Variants in RBFOX1 observed in about 807,000 individuals in gnomAD.
RBFOX1 encodes the protein RNA binding protein fox-1 homolog 1.
Under a neutral mutation model 57.7 loss-of-function variants are expected in RBFOX1, and 8 were observed. That is an observed-to-expected ratio of 0.14 (90% CI 0.08 to 0.25). RBFOX1 has a LOEUF of 0.25. RBFOX1 is among the 10% of genes least tolerant of loss of function. The pLI is 1.00. For missense variants in RBFOX1, 611 were observed against 548.5 expected (o/e 1.11, Z -1.14); for synonymous variants, 326 against 222.4 (o/e 1.47, Z -4.15).
chr16:7,403,690 G>A (rs897304738), intron 4 of RBFOX1, among the ~76,000 whole-genome samples: 1 of 151,098 alleles, frequency 6.6e-6, no homozygotes, highest in Non-Finnish European at 1.5e-5. Flanking sequence ...GGGATTACAG[G>A]CACCTGCCAC....
chr16:5,380,946 GCACTGCCCAT>G (rs1461538771), intron 1 of RBFOX1, among the ~76,000 whole-genome samples: 2 of 152,200 alleles, frequency 1.3e-5, no homozygotes, highest in African/African-American at 2.4e-5. Context: ...CACTAAAATG[GCACTGCCCAT>G]CACTTGAGGT....
intron 3 of RBFOX1, among the ~76,000 whole-genome samples, chr16:6,678,679 C>G (rs150084521): frequency 1.3e-5 from 2 of 151,646 alleles, no homozygotes; most frequent in South Asian, 2.1e-4. Flanking sequence ...ATACACAGAA[C>G]AAATGTAGGG....
chr16:5,249,076 G>A (rs930539415), intron 1 of RBFOX1, among the ~76,000 whole-genome samples: 11 of 151,736 alleles, frequency 7.2e-5, no homozygotes, highest in African/African-American at 2.4e-4. Context: ...TTAAAGGCAC[G>A]GAAGAGGAAG....
At chr16:5,860,554 T>A (rs1296248441) in intron 3 of RBFOX1, among the ~76,000 whole-genome samples, 1 of 152,194 alleles carries the variant, frequency 6.6e-6, no homozygotes, top group Non-Finnish European at 1.5e-5. Flanking sequence ...ATGCAGTGTT[T>A]CCTGTTATCC....
At chr16:7,616,978 C>T (rs2058552235) in intron 10 of RBFOX1, among the ~76,000 whole-genome samples, 1 of 150,860 alleles carries the variant, frequency 6.6e-6, no homozygotes, top group Non-Finnish European at 1.5e-5. Flanking sequence ...CCACCCTTCC[C>T]TGCACAACCA....
At chr16:6,529,217 T>A (rs529587741) in intron 2 of RBFOX1, among the ~76,000 whole-genome samples, 1 of 152,158 alleles carries the variant, frequency 6.6e-6, no homozygotes, top group Non-Finnish European at 1.5e-5. Flanking sequence ...TGTAAACTAC[T>A]TTTCAAATAA....
chr16:5,565,544 G>A (rs2046034929), intron 2 of RBFOX1, among the ~76,000 whole-genome samples: 1 of 151,976 alleles, frequency 6.6e-6, no homozygotes, highest in Non-Finnish European at 1.5e-5. Context: ...AGAATCACTT[G>A]AACCCGGGAG....
intron 3 of RBFOX1, among the ~76,000 whole-genome samples, chr16:6,955,695 A>G (rs1270997162): frequency 1.3e-5 from 2 of 151,276 alleles, no homozygotes; most frequent in African/African-American, 2.4e-5. Flanking sequence ...GTATGTATTT[A>G]TTTATTTATT....
intron 4 of RBFOX1, among the ~76,000 whole-genome samples, chr16:7,114,390 A>G (rs550279145): frequency 2.6e-5 from 4 of 152,282 alleles, no homozygotes; most frequent in African/African-American, 9.6e-5. Flanking sequence ...TACCCCTGGG[A>G]AGGAAGTATA....
At chr16:5,639,061 A>G (rs906619896) in intron 3 of RBFOX1, among the ~76,000 whole-genome samples, 89 of 152,108 alleles carry the variant, frequency 5.9e-4, no homozygotes, top group African/African-American at 1.9e-3. Flanking sequence ...CACTAACCCC[A>G]CCTTCTCATT....
chr16:5,670,687 G>T (rs1183587904), intron 3 of RBFOX1, among the ~76,000 whole-genome samples: 1 of 152,134 alleles, frequency 6.6e-6, no homozygotes, highest in Non-Finnish European at 1.5e-5. Flanking sequence ...CACCTCACAG[G>T]GTTATCCTTC....
intron 4 of RBFOX1, among the ~76,000 whole-genome samples, chr16:7,290,030 A>G (rs527295868): frequency 3.3e-5 from 5 of 152,188 alleles, no homozygotes; most frequent in South Asian, 2.1e-4. Flanking sequence ...GAGTAAACCT[A>G]TAATCTGTGC....
rs2055016774 is a variant in RBFOX1, at chr16:5,800,324, C to T, written c.319-66979C>T. Among the ~76,000 whole-genome samples the T allele has an allele frequency of 2.0e-5, 3 of 152,272 alleles. No individual in the cohort carries two copies. In the South Asian group the frequency reaches 6.2e-4, roughly 32 times the overall value. On this transcript the variant is annotated intron_variant, in intron 3 of 19. Transcript: ENST00000641259. ...ATTTCGTTACTCATGCATAACCATG[C>T]ACATTATGATGTGACATTAACAAGG...
At chr16:6,110,180 C>T (rs1201473076) in intron 1 of RBFOX1, among the ~76,000 whole-genome samples, 3 of 138,416 alleles carry the variant, frequency 2.2e-5, no homozygotes, top group Admixed American at 7.7e-5. Flanking sequence ...TTTTGGTTTT[C>T]TGTATTTTCT....
chr16:7,224,875 C>T (rs1210144688), intron 4 of RBFOX1, among the ~76,000 whole-genome samples: 2 of 152,040 alleles, frequency 1.3e-5, no homozygotes, highest in African/African-American at 4.8e-5. Context: ...TGCACTTTAC[C>T]ACGACTTCCA....
intron 3 of RBFOX1, among the ~76,000 whole-genome samples, chr16:6,981,268 C>A (rs1300967374): frequency 6.6e-6 from 1 of 151,950 alleles, no homozygotes; most frequent in African/African-American, 2.4e-5. Context: ...TCCCCTCCTC[C>A]CACCATTCAC....
At chr16:6,640,654 G>T (rs185434977) in intron 2 of RBFOX1, among the ~76,000 whole-genome samples, 19 of 152,022 alleles carry the variant, frequency 1.2e-4, no homozygotes, top group African/African-American at 4.1e-4. Flanking sequence ...TATAGAGCCA[G>T]TGTGGGAAGT....
chr16:7,208,883 G>C (rs959527052), intron 4 of RBFOX1, among the ~76,000 whole-genome samples: 10 of 152,030 alleles, frequency 6.6e-5, no homozygotes, highest in African/African-American at 2.2e-4. Context: ...GTTCTCCTAA[G>C]GACTAAGAGA....
chr16:7,558,801 G>A (rs1040095159), intron 5 of RBFOX1, among the ~76,000 whole-genome samples: 8 of 152,162 alleles, frequency 5.3e-5, no homozygotes, highest in Non-Finnish European at 1.2e-4. Flanking sequence ...TTGAGCCAAT[G>A]CCATAAGCCT....
Sources: gnomAD v4.1 joint callset for allele counts (sites outside exome capture counted in the v4.1 genomes callset) on GRCh38, gnomAD v4.1.1 for gene constraint, MANE v1.5 for transcripts, NCBI Gene and HGNC (gene_info 2026-07-23, HGNC 2026-07-21) for gene names.